ETS1: variants seen among roughly 807,000 people sequenced by gnomAD.
ETS1 encodes the protein ETS proto-oncogene 1, transcription factor, also known as protein C-ets-1.
In ETS1, 15 loss-of-function variants were observed where a neutral mutation model predicts 58.6. That is an observed-to-expected ratio of 0.26 (90% CI 0.17 to 0.39). ETS1 has a LOEUF of 0.39. ETS1 is among the 10% of genes least tolerant of loss of function. The probability of loss-of-function intolerance (pLI) is 1.00; values close to 1 mark genes in which losing one functional copy is unlikely to be tolerated. For missense variants in ETS1, 417 were observed against 610.5 expected, an observed-to-expected ratio of 0.68 and a Z score of 3.34; for synonymous variants, 214 against 218.2, an observed-to-expected ratio of 0.98 and a Z score of 0.17.
At chr11:128,517,371 G>C (rs1211015514) in intron 3 of ETS1, among the ~76,000 whole-genome samples, 1 of 152,224 alleles carries the variant, frequency 6.6e-6, no homozygotes, top group Non-Finnish European at 1.5e-5. Flanking sequence ...TAAATTTCTA[G>C]AGTGTGGCCT....
chr11:128,480,483 A>AG, intron 7 of ETS1, 32 bp from the exon 8 acceptor site: 2 of 1,485,990 alleles, frequency 1.3e-6, no homozygotes, highest in Non-Finnish European at 1.9e-6. Context: ...GGAAGAGGAC[A>AG]GGGGGAGGAG....
intron 7 of ETS1, among the ~76,000 whole-genome samples, chr11:128,480,794 A>C (rs1565372709): frequency 6.6e-6 from 1 of 152,156 alleles, no homozygotes; most frequent in Non-Finnish European, 1.5e-5. Flanking sequence ...AGGATCACAC[A>C]TGTTATGATA....
At chr11:128,478,522 T>A (rs1258689791) in intron 8 of ETS1, among the ~76,000 whole-genome samples, 1 of 152,050 alleles carries the variant, frequency 6.6e-6, no homozygotes, top group Non-Finnish European at 1.5e-5. Flanking sequence ...TATCAATCTA[T>A]CCAAACATAA....
rs1380951501 is a variant in ETS1, at chr11:128,464,113, A to G, written c.1124-486T>C. Among the ~76,000 whole-genome samples the G allele has an allele frequency of 2.6e-5, 4 of 152,266 alleles. No individual in the cohort carries two copies. In the East Asian group the frequency reaches 5.8e-4, roughly 22 times the overall value. ...GCCTGTGGCCCCTGATTTGTGAGTAAGAAGGATCACTATCCTCCGGCCCTC... is the reference window on the plus strand; with the variant it reads ...GCCTGTGGCCCCTGATTTGTGAGTAGGAAGGATCACTATCCTCCGGCCCTC... On this transcript the variant is annotated intron_variant, in intron 8 of 9. Transcript: ENST00000392668. This position sits in a 1 kb window ranked among gnomAD's most constrained non-coding sequence, Gnocchi z 4.1.
At chr11:128,466,622 C>A (rs558066754) in intron 8 of ETS1, among the ~76,000 whole-genome samples, 2 of 152,118 alleles carry the variant, frequency 1.3e-5, no homozygotes, top group Admixed American at 1.3e-4. Flanking sequence ...TGTCAGCATA[C>A]GGGACCCGGT....
intron 3 of ETS1, among the ~76,000 whole-genome samples, chr11:128,530,964 A>G (rs923799988): frequency 1.3e-5 from 2 of 152,142 alleles, no homozygotes; most frequent in Non-Finnish European, 2.9e-5. Flanking sequence ...GTATTTGTCT[A>G]ATTGAATTGA....
At chr11:128,582,150 C>T (rs1591680483) in intron 1 of ETS1, among the ~76,000 whole-genome samples, 1 of 152,168 alleles carries the variant, frequency 6.6e-6, no homozygotes, top group South Asian at 2.1e-4. Flanking sequence ...TCAATCTTCT[C>T]ATTTATTTCA....
At chr11:128,552,010 A>C (rs1465647244) in intron 3 of ETS1, among the ~76,000 whole-genome samples, 1 of 152,026 alleles carries the variant, frequency 6.6e-6, no homozygotes, top group Non-Finnish European at 1.5e-5. Context: ...ACAAACCCTA[A>C]AGTGATTCTC....
At chr11:128,532,701 T>C (rs1001848755) in intron 3 of ETS1, among the ~76,000 whole-genome samples, 3 of 152,006 alleles carry the variant, frequency 2.0e-5, no homozygotes. Context: ...TGGGCAGTGA[T>C]CCTGCATACA....
At chr11:128,485,145 G>A in intron 6 of ETS1, 74 bp from the exon 7 acceptor site, 1 of 1,359,964 alleles carries the variant, frequency 7.4e-7, no homozygotes. Context: ...CCATCTACAG[G>A]GCCCTATGAT....
chr11:128,512,955 G>T (rs1329345586), intron 3 of ETS1, among the ~76,000 whole-genome samples: 1 of 152,252 alleles, frequency 6.6e-6, no homozygotes, highest in Non-Finnish European at 1.5e-5. Context: ...CTCCAGGTGA[G>T]AACCTGCACT....
chr11:128,549,627 G>C lies in ETS1; in HGVS notation c.214+6664C>G, dbSNP rs1439924613. Reference sequence around the variant, plus strand: ...TCGAGGGCGGGCCGGCGGAAGGCTTGCCTTTCCACTGTCACTCCACGAACC... The same window carrying C: ...TCGAGGGCGGGCCGGCGGAAGGCTTCCCTTTCCACTGTCACTCCACGAACC... On this transcript the variant is annotated intron_variant, in intron 3 of 9. Transcript: ENST00000392668. This position sits in a 1 kb window ranked among gnomAD's most constrained non-coding sequence, Gnocchi z 4.3. Among the ~76,000 whole-genome samples, 2 of 152,220 alleles carry C rather than the reference G, an allele frequency of 1.3e-5. No homozygotes were observed. Among genetic ancestry groups the C allele is most frequent in the Non-Finnish European group, 2.9e-5 (2 of 68,038 alleles).
At chr11:128,510,768 C>T (rs923166609) in intron 3 of ETS1, among the ~76,000 whole-genome samples, 1 of 152,124 alleles carries the variant, frequency 6.6e-6, no homozygotes, top group Non-Finnish European at 1.5e-5. Flanking sequence ...TACTCAAGGT[C>T]ACTACTGGCT....
chr11:128,505,101 C>G (rs1294813200), intron 3 of ETS1: 1 of 152,236 alleles, frequency 6.6e-6, no homozygotes, highest in Admixed American at 6.5e-5. Context: ...AGAGTGAAGA[C>G]TGCAGTTAAC....
At chr11:128,499,769 C>T (rs1173457300) in intron 3 of ETS1, among the ~76,000 whole-genome samples, 1 of 152,170 alleles carries the variant, frequency 6.6e-6, no homozygotes, top group Non-Finnish European at 1.5e-5. Flanking sequence ...CAAACCTCGG[C>T]TCGGGGCCCA....
chr11:128,559,015 GA>G (rs1565409766), intron 2 of ETS1, among the ~76,000 whole-genome samples: 1 of 152,308 alleles, frequency 6.6e-6, no homozygotes, highest in Admixed American at 6.5e-5. Context: ...ATGCTGTGAA[GA>G]ATTCTAAGTT....
chr11:128,564,904 A>G (rs894141594), intron 2 of ETS1, among the ~76,000 whole-genome samples: 8 of 151,898 alleles, frequency 5.3e-5, no homozygotes, highest in Non-Finnish European at 8.8e-5. Flanking sequence ...AATCTACACA[A>G]TGGAGTTTGG....
chr11:128,526,862 C>G, intron 3 of ETS1: 1 of 454,098 alleles, frequency 2.2e-6, no homozygotes, highest in South Asian at 1.6e-5. Context: ...TATCAGTGCT[C>G]TCCAAGTCCA....
chr11:128,582,196 T>C (rs927778154), intron 1 of ETS1, among the ~76,000 whole-genome samples: 1 of 152,194 alleles, frequency 6.6e-6, no homozygotes, highest in Admixed American at 6.5e-5. Flanking sequence ...TGTTTAGCAG[T>C]GATCAAGAAC....
Sources: allele counts gnomAD v4.1 joint callset (sites outside exome capture counted in the v4.1 genomes callset), GRCh38; gene constraint gnomAD v4.1.1; non-coding constraint Gnocchi (gnomAD v3.1); transcripts MANE v1.5; gene names NCBI Gene and HGNC (gene_info 2026-07-23, HGNC 2026-07-21).